Variants in AXIN1 observed in about 807,000 individuals in gnomAD.
AXIN1 encodes the protein axin 1, also known as axin-1.
In AXIN1, 30 loss-of-function variants were observed where a neutral mutation model predicts 76.4. That is an observed-to-expected ratio of 0.39 (90% CI 0.29 to 0.53). The LOEUF is 0.53. Among genes scored for constraint, AXIN1 ranks in the 20% least tolerant of loss-of-function variants. The pLI, the probability that AXIN1 is intolerant of heterozygous loss-of-function variation, is 0.66. For synonymous variants in AXIN1, 545 were observed against 501.4 expected (o/e 1.09, Z -1.16); for missense variants, 1,140 against 1,198.8 (o/e 0.95, Z 0.72).
intron 4 of AXIN1, 114 bp downstream of exon 4, chr16:309,859 G>A: frequency 2.0e-6 from 2 of 1,000,110 alleles, no homozygotes; most frequent in Non-Finnish European, 3.1e-6. Context: ...CTTACGCCTA[G>A]AGGTAAGCCT....
intron 5 of AXIN1, among the ~76,000 whole-genome samples, chr16:298,567 G>C (rs1241990727): frequency 6.6e-6 from 1 of 152,222 alleles, no homozygotes; most frequent in Non-Finnish European, 1.5e-5. Context: ...GAGAACAGTG[G>C]TGTGATCTCA....
chr16:292,941 C>T (rs1303852503), intron 8 of AXIN1: 1 of 144,266 alleles, frequency 6.9e-6, no homozygotes, highest in Non-Finnish European at 1.4e-5. Flanking sequence ...GTGAGGAGGG[C>T]TGTGGGCTGG....
chr16:315,304 T>A, intron 2 of AXIN1, among the ~76,000 whole-genome samples: 1 of 152,348 alleles, frequency 6.6e-6, no homozygotes, highest in African/African-American at 2.4e-5. Context: ...AATGGTCAGA[T>A]TGGCAGTTTA....
intron 2 of AXIN1, among the ~76,000 whole-genome samples, chr16:328,789 T>C (rs2053632010): frequency 6.6e-6 from 1 of 152,148 alleles, no homozygotes; most frequent in Non-Finnish European, 1.5e-5. Flanking sequence ...TGGCAACGGG[T>C]GCTACAGACA....
intron 2 of AXIN1, among the ~76,000 whole-genome samples, chr16:341,641 G>A (rs1289509755): frequency 6.6e-6 from 1 of 152,172 alleles, no homozygotes; most frequent in Non-Finnish European, 1.5e-5. Flanking sequence ...GCACGGCACG[G>A]GACTGGCAGG....
chr16:316,024 G>A (rs2053294748), intron 2 of AXIN1, among the ~76,000 whole-genome samples: 1 of 152,150 alleles, frequency 6.6e-6, no homozygotes, highest in African/African-American at 2.4e-5. Flanking sequence ...CTGCACTCCA[G>A]CCTGGGCGAC....
chr16:317,012 C>A (rs572166006), intron 2 of AXIN1, among the ~76,000 whole-genome samples: 49 of 152,310 alleles, frequency 3.2e-4, no homozygotes, highest in South Asian at 1.7e-3. Context: ...TGCACATGGC[C>A]GGAGGAACTG....
chr16:315,594 G>A (rs1413733837), intron 2 of AXIN1, among the ~76,000 whole-genome samples: 2 of 152,128 alleles, frequency 1.3e-5, no homozygotes, highest in East Asian at 1.9e-4. Context: ...TTGGGTGGCC[G>A]AGGCAGGCAG....
intron 2 of AXIN1, among the ~76,000 whole-genome samples, chr16:318,296 G>A (rs1371793595): frequency 6.6e-6 from 1 of 152,184 alleles, no homozygotes; most frequent in African/African-American, 2.4e-5. Context: ...AGAAACGCAG[G>A]TTTCCCATTT....
intron 5 of AXIN1, among the ~76,000 whole-genome samples, chr16:300,649 T>TA (rs1294166199): frequency 6.6e-6 from 1 of 151,940 alleles, no homozygotes; most frequent in East Asian, 1.9e-4. Context: ...GAGGGTGAAA[T>TA]ATGGCACTAA....
In AXIN1 at chr16:289,552, C is replaced by G. The variant is rs777185421; in HGVS notation, c.2350G>C (p.Val784Leu). The G allele has an allele frequency of 6.2e-7, 1 of 1,613,070 alleles. No homozygotes were observed. The highest frequency in any genetic ancestry group is 2.2e-5 in the East Asian group (1 of 44,884). The change falls in exon 10 of 11, where the codon GTT becomes CTT. Residue 784 changes from valine (V) to leucine (L), a missense_variant. Val to Leu is a conservative substitution (Grantham distance 32, BLOSUM62 1). Coordinates refer to ENST00000262320, the MANE Select transcript of AXIN1 (RefSeq NM_003502.4). ...TCCCCGCAGAAGTAGTACGCCACAA[C>G]GATGCTGTCACACGGCTGGGCACTC... is the stretch of plus-strand genomic sequence containing the variant. ...GGSAQPCDSI[V>L]VAYYFCGEPI...
intron 2 of AXIN1, among the ~76,000 whole-genome samples, chr16:331,239 T>C (rs894948613): frequency 2.9e-5 from 4 of 139,782 alleles, no homozygotes; most frequent in African/African-American, 7.8e-5. Flanking sequence ...AAAAATTCTG[T>C]ACATGAAAAA....
chr16:339,511 A>AAC (rs1491472367), intron 2 of AXIN1, among the ~76,000 whole-genome samples: 1 of 65,522 alleles, frequency 1.5e-5, no homozygotes, highest in African/African-American at 1.1e-4. Flanking sequence ...ACTCCATCTC[A>AAC]AAAAAAAAAA....
At chr16:300,922 C>A (rs914288930) in intron 5 of AXIN1, among the ~76,000 whole-genome samples, 3 of 152,194 alleles carry the variant, frequency 2.0e-5, no homozygotes, top group African/African-American at 7.2e-5. Flanking sequence ...CTTAACCACT[C>A]GGCTAATGGT....
At chr16:343,398 CAT>C (rs2053967397) in intron 2 of AXIN1, among the ~76,000 whole-genome samples, 1 of 152,128 alleles carries the variant, frequency 6.6e-6, no homozygotes, top group Non-Finnish European at 1.5e-5. Flanking sequence ...ACTTCAGTCC[CAT>C]CTTAAAAATA....
chr16:321,394 CCCG>C (rs1203660249), intron 2 of AXIN1, among the ~76,000 whole-genome samples: 1 of 152,228 alleles, frequency 6.6e-6, no homozygotes, highest in African/African-American at 2.4e-5. Context: ...CGTGCCCCAC[CCCG>C]CCAAGACTTC....
At chr16:335,014 G>A (rs183761056) in intron 2 of AXIN1, among the ~76,000 whole-genome samples, 1 of 151,808 alleles carries the variant, frequency 6.6e-6, no homozygotes, top group African/African-American at 2.4e-5. Flanking sequence ...TGAACCAAAC[G>A]CAACCAACTC....
At chr16:351,709 C>T (rs968911221) in intron 1 of AXIN1, among the ~76,000 whole-genome samples, 1 of 152,014 alleles carries the variant, frequency 6.6e-6, no homozygotes, top group Non-Finnish European at 1.5e-5. Context: ...GAATTCAACA[C>T]CTGCTGGGCA....
At chr16:333,822 A>G (rs1257590720) in intron 2 of AXIN1, among the ~76,000 whole-genome samples, 1 of 152,002 alleles carries the variant, frequency 6.6e-6, no homozygotes, top group Admixed American at 6.6e-5. Context: ...CAGCATGCCA[A>G]TAACACAGCA....
Sources: gnomAD v4.1 joint callset for allele counts (sites outside exome capture counted in the v4.1 genomes callset) on GRCh38, gnomAD v4.1.1 for gene constraint, MANE v1.5 for transcripts, NCBI Gene and HGNC (gene_info 2026-07-23, HGNC 2026-07-21) for gene names.